The following POLQ variants were observed in gnomAD, a reference collection of about 807,000 sequenced individuals.
POLQ encodes the protein DNA polymerase theta.
Under a neutral mutation model 259.2 loss-of-function variants are expected in POLQ, and 233 were observed. The ratio of observed to expected loss-of-function variants is 0.90; its 90% confidence interval spans 0.81 to 1.00. The LOEUF is 1.00. POLQ is among the 50% of genes least tolerant of loss of function. The pLI is 0.00. For synonymous variants in POLQ, 1,025 were observed against 1,048.8 expected (o/e 0.98, Z 0.44); for missense variants, 2,871 against 3,051.6 (o/e 0.94, Z 1.39).
intron 2 of POLQ, among the ~76,000 whole-genome samples, chr3:121,543,907 C>G (rs559133741): frequency 6.7e-6 from 1 of 149,558 alleles, no homozygotes; most frequent in Non-Finnish European, 1.5e-5. Context: ...CACTTGAACC[C>G]GGGAGGCAGA....
chr3:121,457,169 C>T (rs1402748620), intron 25 of POLQ, among the ~76,000 whole-genome samples: 2 of 152,184 alleles, frequency 1.3e-5, no homozygotes, highest in Non-Finnish European at 2.9e-5. Flanking sequence ...GCTGGGAAAA[C>T]TGGCTAGCCA....
At chr3:121,451,976 C>G (rs1052045155) in intron 25 of POLQ, among the ~76,000 whole-genome samples, 3 of 152,230 alleles carry the variant, frequency 2.0e-5, no homozygotes, top group Non-Finnish European at 4.4e-5. Flanking sequence ...CTACTCAAGC[C>G]TCAGCACTGG....
chr3:121,523,344 T>A (rs2048350791), intron 7 of POLQ, among the ~76,000 whole-genome samples: 2 of 152,316 alleles, frequency 1.3e-5, no homozygotes, highest in African/African-American at 4.8e-5. Context: ...CAGTAAAAGC[T>A]TTACATACTT....
intron 1 of POLQ, 56 bp downstream of exon 1, chr3:121,545,659 C>A: frequency 6.7e-7 from 1 of 1,487,764 alleles, no homozygotes; most frequent in Non-Finnish European, 9.0e-7. Flanking sequence ...ACCTCCCGAC[C>A]CATGGCCCGG....
Position 121,498,481 on chromosome 3 carries a change from T to C in POLQ, c.2149A>G (p.Lys717Glu). The change falls in exon 13 of 30, where the codon AAA becomes GAA. Residue 717 changes from lysine (K) to glutamate (E), a missense_variant. This residue lies in a region of POLQ where 783 missense variants were observed against 906.2 expected (regional missense o/e 0.86). Transcript: ENST00000264233. ...CCCAGAGACCTTGACGTTTACCTTT[T>C]ATGGATGGCCATTTGTCGATGCTGT... ...ERQHRQMAIHKRFFTSLVLLD... is the reference protein window; with the variant it reads ...ERQHRQMAIHERFFTSLVLLD... 2 of 1,613,248 alleles carry C rather than the reference T, an allele frequency of 1.2e-6. No individual in the cohort carries two copies. Among genetic ancestry groups the C allele is most frequent in the Non-Finnish European group, 1.7e-6 (2 of 1,179,398 alleles).
intron 25 of POLQ, among the ~76,000 whole-genome samples, chr3:121,454,228 G>A (rs968345212): frequency 1.3e-5 from 2 of 152,060 alleles, no homozygotes; most frequent in Non-Finnish European, 2.9e-5. Flanking sequence ...AGCTCCTGAA[G>A]GAAGCACTAA....
intron 14 of POLQ, 76 bp from the exon 15 acceptor site, chr3:121,493,797 T>C (rs1265393656): frequency 3.0e-5 from 42 of 1,391,594 alleles, no homozygotes; most frequent in East Asian, 1.4e-4. Context: ...GATGTATTTA[T>C]ATTTTCTTTT....
At chr3:121,542,157 G>T (rs934356941) in intron 2 of POLQ, among the ~76,000 whole-genome samples, 35 of 150,804 alleles carry the variant, frequency 2.3e-4, no homozygotes, top group African/African-American at 8.3e-4. Flanking sequence ...AAAAAAAAAA[G>T]AAGTGGAAGG....
chr3:121,489,931 C>A lies in POLQ; in HGVS notation c.3000G>T (p.Lys1000Asn). ...KRASLDINKEKPGASQNEGKT... is the reference protein window; with the variant it reads ...KRASLDINKENPGASQNEGKT... ...TCCCCTCATTCTGAGAGGCTCCTGG[C>A]TTCTCTTTATTTATATCTAAAGAGG... is the stretch of plus-strand genomic sequence containing the variant. Residue 1000 changes from lysine (K) to asparagine (N), a missense_variant, in exon 16 of 30, where the codon AAG (lysine) becomes AAT (asparagine). This residue lies in a region of POLQ where 2,080 missense variants were observed against 2,126.0 expected (regional missense o/e 0.98). Coordinates refer to ENST00000264233, the MANE Select transcript of POLQ (RefSeq NM_199420.4). 1 of 1,581,446 alleles carries A rather than the reference C, an allele frequency of 6.3e-7. No homozygotes were observed. The highest frequency in any genetic ancestry group is 8.5e-7 in the Non-Finnish European group (1 of 1,171,208).
rs762798158 is a variant in POLQ at position 121,489,265 on chromosome 3, T to C, written c.3666A>G (p.Ala1222=). Residue 1222 remains alanine (A), a synonymous_variant, in exon 16 of 30, where the codon GCA becomes GCG. Coordinates refer to ENST00000264233, the MANE Select transcript of POLQ (RefSeq NM_199420.4). ...NIIERQMPCE[A]VSSYINRDSN... ...AGTCTCTATTTATGTAACTACTGAC[T>C]GCTTCACAGGGCATTTGTCTCTCTA... The C allele has an allele frequency of 3.1e-6, 5 of 1,613,722 alleles. No individual in the cohort carries two copies. The highest frequency in any genetic ancestry group is 1.7e-6 in the Non-Finnish European group (2 of 1,179,786).
intron 28 of POLQ, among the ~76,000 whole-genome samples, chr3:121,433,979 GCTGC>G: frequency 6.6e-6 from 1 of 152,292 alleles, no homozygotes; most frequent in South Asian, 2.1e-4. Context: ...ATCACCTGAG[GCTGC>G]AGCAAGCTGC....
At chr3:121,535,483 A>T (rs1466343067) in intron 5 of POLQ, among the ~76,000 whole-genome samples, 2 of 152,104 alleles carry the variant, frequency 1.3e-5, no homozygotes, top group Non-Finnish European at 2.9e-5. Context: ...TGGGAGGCCG[A>T]GGTGGGTAGA....
intron 25 of POLQ, among the ~76,000 whole-genome samples, chr3:121,452,678 T>C (rs1163482867): frequency 6.6e-6 from 1 of 150,964 alleles, no homozygotes; most frequent in African/African-American, 2.4e-5. Flanking sequence ...GGATAGGAAG[T>C]CGGGTGCCCA....
chr3:121,522,533 G>C (rs1197994828), intron 7 of POLQ, among the ~76,000 whole-genome samples: 3 of 149,848 alleles, frequency 2.0e-5, no homozygotes, highest in Non-Finnish European at 4.4e-5. Flanking sequence ...GGATGGTCTC[G>C]ATCTCCTGAC....
intron 18 of POLQ, among the ~76,000 whole-genome samples, chr3:121,482,218 A>G (rs764710731): frequency 6.6e-6 from 1 of 152,148 alleles, no homozygotes; most frequent in Non-Finnish European, 1.5e-5. Flanking sequence ...TAGTTCTTTC[A>G]TCATCAAAAG....
chr3:121,504,606 A>G (rs3911713), intron 12 of POLQ, among the ~76,000 whole-genome samples: 96,010 of 152,036 alleles, frequency 0.63, 30,714 homozygotes, highest in East Asian at 0.89. Flanking sequence ...ACAGGTCAAT[A>G]TATCTTATGA....
chr3:121,522,993 GT>G (rs576549027), intron 7 of POLQ, among the ~76,000 whole-genome samples: 2 of 152,118 alleles, frequency 1.3e-5, no homozygotes, highest in African/African-American at 4.8e-5. Context: ...AGTACCCTCT[GT>G]TTTTTGTCTT....
At chr3:121,532,786 G>A (rs529663673) in intron 6 of POLQ, among the ~76,000 whole-genome samples, 5 of 152,156 alleles carry the variant, frequency 3.3e-5, no homozygotes, top group African/African-American at 9.6e-5. Context: ...ACCCGCCTTG[G>A]CCTCCCAACA....
chr3:121,454,481 G>A (rs1434747626), intron 25 of POLQ, among the ~76,000 whole-genome samples: 2 of 152,246 alleles, frequency 1.3e-5, no homozygotes, highest in East Asian at 3.9e-4. Flanking sequence ...CTGTATTCAG[G>A]AGACCCATCT....
Sources: allele counts gnomAD v4.1 joint callset (sites outside exome capture counted in the v4.1 genomes callset), GRCh38; gene constraint gnomAD v4.1.1; regional missense constraint gnomAD v4.1.1; transcripts MANE v1.5; gene names NCBI Gene and HGNC (gene_info 2026-07-23, HGNC 2026-07-21).